The following L2HGDH variants were observed in gnomAD, a reference collection of about 807,000 sequenced individuals.
L2HGDH encodes the protein L-2-hydroxyglutarate dehydrogenase.
A neutral mutation model predicts 51.5 loss-of-function variants in L2HGDH; 34 were observed. That is an observed-to-expected ratio of 0.66 (90% CI 0.50 to 0.88). L2HGDH has a LOEUF of 0.88. Among genes scored for constraint, L2HGDH ranks in the 40% least tolerant of loss-of-function variants. The pLI, the probability that L2HGDH is intolerant of heterozygous loss-of-function variation, is 0.00. For synonymous variants in L2HGDH, 198 were observed against 197.9 expected (o/e 1.00, Z -0.01); for missense variants, 558 against 571.9 (o/e 0.98, Z 0.25).
intron 1 of L2HGDH, among the ~76,000 whole-genome samples, chr14:50,304,618 G>A (rs951292697): frequency 1.2e-4 from 18 of 152,312 alleles, no homozygotes; most frequent in Admixed American, 1.0e-3. Context: ...GGCAGATCAC[G>A]AGGCCAGGAG....
At position 50,310,370 on chromosome 14, in the gene L2HGDH, T is replaced by A. The variant is rs114558279; in HGVS notation, c.140+1641A>T. Among the ~76,000 whole-genome samples, 478 of 152,184 alleles carry A rather than the reference T, an allele frequency of 3.1e-3. 2 individuals are homozygous for A. Among genetic ancestry groups the A allele is most frequent in the African/African-American group, 0.011 (442 of 41,524 alleles). On this transcript the variant is annotated intron_variant, in intron 1 of 9. Transcript: ENST00000267436. ...CAGGCCTGAGTCACCACGCTTGGCC[T>A]GTACTATTTTTGCAATTTCCAATGG...
intron 8 of L2HGDH, among the ~76,000 whole-genome samples, 190 bp downstream of exon 8, chr14:50,267,563 T>TG (rs1458489879): frequency 9.3e-5 from 12 of 128,356 alleles, no homozygotes; most frequent in African/African-American, 2.8e-4. Context: ...GGCATTTTTT[T>TG]TTTTGTTTGT....
At chr14:50,306,705 C>T (rs1294496491) in intron 1 of L2HGDH, among the ~76,000 whole-genome samples, 1 of 151,410 alleles carries the variant, frequency 6.6e-6, no homozygotes, top group East Asian at 1.9e-4. Context: ...AGTCGGATAC[C>T]AGTTAACAGT....
At chr14:50,256,010 GA>G (rs1053986969) in intron 9 of L2HGDH, among the ~76,000 whole-genome samples, 37 of 149,062 alleles carry the variant, frequency 2.5e-4, no homozygotes, top group Non-Finnish European at 7.5e-5. Context: ...CTCAAAAAAA[GA>G]AAAAAAAATA....
chr14:50,286,985 A>G lies in L2HGDH; in HGVS notation c.541-2952T>C, dbSNP rs181740287. Reference sequence around the variant, plus strand: ...CAGTGCCTAACATAGTGTGTGGCACATAGTAATCAAAAAACCTTTGGTTGA... The same window carrying G: ...CAGTGCCTAACATAGTGTGTGGCACGTAGTAATCAAAAAACCTTTGGTTGA... On this transcript the variant is annotated intron_variant, in intron 4 of 9. Coordinates refer to ENST00000267436, the MANE Select transcript of L2HGDH (RefSeq NM_024884.3). Among the ~76,000 whole-genome samples the G allele has an allele frequency of 2.7e-4, 41 of 152,328 alleles. 1 individual carries two copies. The highest frequency in any genetic ancestry group is 2.4e-3 in the Admixed American group (36 of 15,310).
chr14:50,277,157 G>C (rs1262120589), intron 6 of L2HGDH, among the ~76,000 whole-genome samples: 1 of 151,108 alleles, frequency 6.6e-6, no homozygotes, highest in African/African-American at 2.4e-5. Context: ...AACTCAGCTA[G>C]TAGAAATTAA....
At chr14:50,303,319 G>A (rs993473491) in intron 1 of L2HGDH, among the ~76,000 whole-genome samples, 1 of 151,988 alleles carries the variant, frequency 6.6e-6, no homozygotes, top group African/African-American at 2.4e-5. Context: ...CTATTTGGGA[G>A]GCTGAGGCAG....
chr14:50,294,935 G>A (rs971599583), intron 3 of L2HGDH, among the ~76,000 whole-genome samples: 1 of 152,112 alleles, frequency 6.6e-6, no homozygotes, highest in Non-Finnish European at 1.5e-5. Context: ...TCATACCAAA[G>A]AGGCAACAGA....
chr14:50,253,276 C>T (rs1267649132), intron 9 of L2HGDH, among the ~76,000 whole-genome samples: 2 of 152,020 alleles, frequency 1.3e-5, no homozygotes, highest in African/African-American at 2.4e-5. Flanking sequence ...TATATGCAAA[C>T]TACTCATCTG....
chr14:50,307,790 C>A (rs967065644), intron 1 of L2HGDH, among the ~76,000 whole-genome samples: 1 of 152,106 alleles, frequency 6.6e-6, no homozygotes, highest in African/African-American at 2.4e-5. Context: ...TAAAAGGCAT[C>A]TCTAAAAACA....
intron 4 of L2HGDH, among the ~76,000 whole-genome samples, chr14:50,285,485 T>C (rs751981812): frequency 5.9e-5 from 9 of 152,218 alleles, no homozygotes; most frequent in Admixed American, 5.2e-4. Flanking sequence ...GACCTAGTCA[T>C]TGACTAAATT....
At chr14:50,293,237 G>A (rs2029870483) in intron 4 of L2HGDH, 2 of 702,318 alleles carry the variant, frequency 2.8e-6, no homozygotes, top group Non-Finnish European at 5.2e-6. Flanking sequence ...GCAGCACAGT[G>A]GGAAAATAAT....
At chr14:50,299,250 T>C (rs2030263003) in intron 3 of L2HGDH, among the ~76,000 whole-genome samples, 2 of 152,192 alleles carry the variant, frequency 1.3e-5, no homozygotes, top group East Asian at 1.9e-4. Context: ...CCTGGACACA[T>C]ACAACCTACC....
chr14:50,301,896 A>T, intron 3 of L2HGDH, 121 bp downstream of exon 3: 2 of 1,010,636 alleles, frequency 2.0e-6, no homozygotes, highest in Non-Finnish European at 1.5e-6. Flanking sequence ...ATTCCCTAAG[A>T]TTAGATTTGA....
chr14:50,271,733 CAAAG>C (rs1299314216), intron 6 of L2HGDH, among the ~76,000 whole-genome samples: 2 of 152,092 alleles, frequency 1.3e-5, no homozygotes, highest in East Asian at 3.8e-4. Flanking sequence ...AAAAAGAAGA[CAAAG>C]AAATAAACCA....
chr14:50,270,528 C>CGGA (rs1171917057), intron 6 of L2HGDH, among the ~76,000 whole-genome samples: 3 of 151,240 alleles, frequency 2.0e-5, no homozygotes, highest in Non-Finnish European at 2.9e-5. Context: ...TGTTTTGAGA[C>CGGA]GGAGCCTCAC....
intron 1 of L2HGDH, among the ~76,000 whole-genome samples, chr14:50,308,388 GAAA>G (rs71118865): frequency 0.14 from 18,353 of 131,366 alleles, 1,088 homozygotes; most frequent in Non-Finnish European, 0.16. Flanking sequence ...CTCCATCTCA[GAAA>G]AAAAAAAAAA....
In L2HGDH at chr14:50,243,480, G is replaced by C. The variant is rs1468287463; in HGVS notation, c.*3578C>G. On this transcript the variant is annotated 3_prime_UTR_variant, in exon 10 of 10. Coordinates refer to ENST00000267436, the MANE Select transcript of L2HGDH (RefSeq NM_024884.3). ...AAAAATATGTTCTCTACAACACCAA[G>C]GCTCATTAAAATATTTTAAATATTA... The C allele has an allele frequency of 3.8e-6, 3 of 783,100 alleles. No individual in the cohort carries two copies. The East Asian group carries it at 3.8e-4, about 99-fold the overall frequency. 48.5% of individuals were successfully genotyped at this position (783,100 alleles called of 1,614,324 possible).
At chr14:50,252,284 C>T (rs11628216) in intron 9 of L2HGDH, among the ~76,000 whole-genome samples, 131,189 of 151,944 alleles carry the variant, frequency 0.86, 56,767 homozygotes, top group East Asian at 0.91. Flanking sequence ...AAAAATTAAA[C>T]AAAAAGAAAG....
Sources: gnomAD v4.1 joint callset for allele counts (sites outside exome capture counted in the v4.1 genomes callset) on GRCh38, gnomAD v4.1.1 for gene constraint, MANE v1.5 for transcripts, NCBI Gene and HGNC (gene_info 2026-07-23, HGNC 2026-07-21) for gene names.